TUFT1: variants seen among roughly 807,000 people sequenced by gnomAD.
The protein encoded by TUFT1 is tuftelin.
Under a neutral mutation model 57.8 loss-of-function variants are expected in TUFT1, and 43 were observed. That is an observed-to-expected ratio of 0.74 (90% CI 0.58 to 0.96). The LOEUF (loss-of-function observed/expected upper bound fraction) is 0.96, where lower values mean the gene tolerates loss of function less well. TUFT1 is among the 40% of genes least tolerant of loss of function. The probability of loss-of-function intolerance (pLI) is 0.00; values close to 1 mark genes in which losing one functional copy is unlikely to be tolerated. For missense variants in TUFT1, 459 were observed against 489.0 expected, an observed-to-expected ratio of 0.94 and a Z score of 0.58; for synonymous variants, 166 against 176.7, an observed-to-expected ratio of 0.94 and a Z score of 0.48.
At chr1:151,547,363 C>A (rs1291884586) in intron 1 of TUFT1, among the ~76,000 whole-genome samples, 3 of 152,174 alleles carry the variant, frequency 2.0e-5, no homozygotes, top group African/African-American at 7.2e-5. Context: ...CACGTGTGCT[C>A]AGAGAGGTGG....
chr1:151,543,879 G>T (rs546609025), intron 1 of TUFT1, among the ~76,000 whole-genome samples: 67 of 152,308 alleles, frequency 4.4e-4, no homozygotes, highest in Middle Eastern at 3.4e-3. Flanking sequence ...TGGAAGCTGC[G>T]TGGCAAAAGA....
At chr1:151,542,232 T>C (rs894217589) in intron 1 of TUFT1, among the ~76,000 whole-genome samples, 2 of 152,006 alleles carry the variant, frequency 1.3e-5, no homozygotes, top group African/African-American at 2.4e-5. Context: ...TTCTTTTCTC[T>C]TTTTTTGAGA....
At chr1:151,563,603 T>C (rs1193258606) in intron 3 of TUFT1, among the ~76,000 whole-genome samples, 1 of 152,234 alleles carries the variant, frequency 6.6e-6, no homozygotes, top group Non-Finnish European at 1.5e-5. Flanking sequence ...TGCCTAATGA[T>C]GCATCCCTCA....
At chr1:151,578,058 G>A (rs1288686309) in intron 9 of TUFT1, among the ~76,000 whole-genome samples, 1 of 151,932 alleles carries the variant, frequency 6.6e-6, no homozygotes, top group East Asian at 1.9e-4. Flanking sequence ...GTCGGAGAGG[G>A]AAATCCTAGC....
intron 7 of TUFT1, among the ~76,000 whole-genome samples, chr1:151,570,106 AAGGACTGC>A (rs1375529724): frequency 2.0e-5 from 3 of 152,176 alleles, no homozygotes; most frequent in African/African-American, 7.2e-5. Context: ...CCGTGCAGGC[AAGGACTGC>A]TGCTGACATG....
At chr1:151,566,398 T>C (rs2102542826) in intron 6 of TUFT1, among the ~76,000 whole-genome samples, 170 bp downstream of exon 6, 1 of 152,304 alleles carries the variant, frequency 6.6e-6, no homozygotes, top group East Asian at 1.9e-4. Context: ...GAAATTCTCC[T>C]TCCCCAATCT....
intron 7 of TUFT1, among the ~76,000 whole-genome samples, chr1:151,571,950 G>A (rs1000983019): frequency 1.1e-4 from 16 of 149,172 alleles, no homozygotes; most frequent in African/African-American, 4.1e-4. Flanking sequence ...GAGCCAGGAG[G>A]CCTCAGGAGG....
At chr1:151,575,134 C>G (rs1666421736) in intron 9 of TUFT1, 129 bp downstream of exon 9, 1 of 817,858 alleles carries the variant, frequency 1.2e-6, no homozygotes, top group East Asian at 2.7e-5. Context: ...TCTTCCAGCT[C>G]TGACTCACCG....
At chr1:151,557,779 G>A (rs1665753955) in intron 1 of TUFT1, 4 of 764,744 alleles carry the variant, frequency 5.2e-6, no homozygotes, top group East Asian at 4.9e-5. Context: ...AAGGGTGAGC[G>A]ACCTGCAAGA....
chr1:151,566,544 G>A (rs1299014724), intron 6 of TUFT1, among the ~76,000 whole-genome samples: 1 of 152,130 alleles, frequency 6.6e-6, no homozygotes. Flanking sequence ...CATCCCTAGA[G>A]CTTGTCATTT....
intron 5 of TUFT1, 106 bp downstream of exon 5, chr1:151,564,720 C>T: frequency 1.1e-6 from 1 of 938,898 alleles, no homozygotes; most frequent in Non-Finnish European, 1.7e-6. Flanking sequence ...GCATCCCTGC[C>T]AGGAATGGAG....
intron 1 of TUFT1, among the ~76,000 whole-genome samples, chr1:151,543,782 G>T (rs1186767186): frequency 6.6e-6 from 1 of 151,694 alleles, no homozygotes; most frequent in Middle Eastern, 3.2e-3. Context: ...AGCAGGACAG[G>T]GTTCCTTGAC....
chr1:151,566,275 G>C (rs1488546598), intron 6 of TUFT1, 47 bp downstream of exon 6: 2 of 1,501,824 alleles, frequency 1.3e-6, no homozygotes. Flanking sequence ...CCAGGGGCAG[G>C]ATTGCCTCCT....
chr1:151,581,738 C>T lies in TUFT1; in HGVS notation c.*31C>T, dbSNP rs151123380. 4 of 1,612,698 alleles carry T rather than the reference C, an allele frequency of 2.5e-6. No homozygotes were observed. Among genetic ancestry groups the T allele is most frequent in the Non-Finnish European group, 3.4e-6 (4 of 1,178,736 alleles). ...CTGGAGATGGTTGCTGCCATTGCTG[C>T]TGCCTCTGCCTCGGAGAAGCCCACT... On this transcript the variant is annotated 3_prime_UTR_variant, in exon 13 of 13. Transcript: ENST00000368849.
chr1:151,573,082 G>T (rs560903673), intron 7 of TUFT1, among the ~76,000 whole-genome samples: 121 of 152,268 alleles, frequency 7.9e-4, no homozygotes, highest in Non-Finnish European at 1.4e-3. Flanking sequence ...GAGAGGGTTG[G>T]ATTAGAAGAA....
intron 1 of TUFT1, among the ~76,000 whole-genome samples, chr1:151,555,708 C>A (rs1665674127): frequency 1.4e-5 from 2 of 138,816 alleles, no homozygotes; most frequent in Admixed American, 8.0e-5. Context: ...ACCCAGGAGG[C>A]AGAGGTTGCA....
chr1:151,565,950 C>A (rs1666057546), intron 5 of TUFT1: 1 of 465,556 alleles, frequency 2.1e-6, no homozygotes, highest in Non-Finnish European at 3.9e-6. Flanking sequence ...GAAATCTTTT[C>A]TTCTTTCGCT....
chr1:151,543,053 G>A (rs781720368), intron 1 of TUFT1, among the ~76,000 whole-genome samples: 1 of 152,316 alleles, frequency 6.6e-6, no homozygotes, highest in Non-Finnish European at 1.5e-5. Flanking sequence ...GACTCTGTTG[G>A]TGTTTCCCCA....
chr1:151,574,855 A>G, intron 8 of TUFT1, 56 bp from the exon 9 acceptor site: 2 of 1,474,512 alleles, frequency 1.4e-6, no homozygotes, highest in South Asian at 1.2e-5. Context: ...TCTTAGCCCA[A>G]ACGCAGAAAC....
Sources: allele counts gnomAD v4.1 joint callset (sites outside exome capture counted in the v4.1 genomes callset), GRCh38; gene constraint gnomAD v4.1.1; transcripts MANE v1.5; gene names NCBI Gene and HGNC (gene_info 2026-07-23, HGNC 2026-07-21).